Variants in RPA3 observed in about 807,000 individuals in gnomAD.
The protein encoded by RPA3 is replication protein A3.
Under a neutral mutation model 13.7 loss-of-function variants are expected in RPA3, and 24 were observed. The observed-to-expected ratio is 1.75, with a 90% CI of 1.27 to 2.46. The LOEUF is 2.46. RPA3 is among the 30% of genes most tolerant of loss of function. The pLI is 0.00. For synonymous variants in RPA3, 59 were observed against 51.2 expected, an observed-to-expected ratio of 1.15 and a Z score of -0.65; for missense variants, 183 against 151.0, an observed-to-expected ratio of 1.21 and a Z score of -1.11.
intron 4 of RPA3, among the ~76,000 whole-genome samples, chr7:7,664,176 T>C (rs922251353): frequency 2.0e-5 from 3 of 152,228 alleles, no homozygotes; most frequent in African/African-American, 7.2e-5. Flanking sequence ...AATTTACTAT[T>C]ATTTTCTTCT....
At chr7:7,706,544 A>G (rs1780604878) in intron 2 of RPA3, among the ~76,000 whole-genome samples, 1 of 152,220 alleles carries the variant, frequency 6.6e-6, no homozygotes, top group Non-Finnish European at 1.5e-5. Flanking sequence ...GTTAGATATC[A>G]TTTTTTAAAA....
intron 1 of RPA3, among the ~76,000 whole-genome samples, chr7:7,716,838 C>T (rs149591330): frequency 0.011 from 1,617 of 152,102 alleles, 30 homozygotes; most frequent in African/African-American, 0.035. Flanking sequence ...CCCAGCTACT[C>T]GGGAGCCTGA....
At chr7:7,703,168 G>A (rs998966628) in intron 2 of RPA3, among the ~76,000 whole-genome samples, 7 of 152,114 alleles carry the variant, frequency 4.6e-5, no homozygotes, top group Non-Finnish European at 1.0e-4. Flanking sequence ...AATAATTACT[G>A]GTGCCCACTA....
chr7:7,684,748 C>G (rs528638700), intron 4 of RPA3, among the ~76,000 whole-genome samples: 1 of 152,178 alleles, frequency 6.6e-6, no homozygotes, highest in Non-Finnish European at 1.5e-5. Flanking sequence ...AATTATTTGA[C>G]AGATTAACAC....
chr7:7,637,309 G>A (rs551876079), intron 7 of RPA3, among the ~76,000 whole-genome samples: 1 of 152,234 alleles, frequency 6.6e-6, no homozygotes, highest in South Asian at 2.1e-4. Context: ...CTGCCTGGTA[G>A]TGTTTTGGGT....
chr7:7,639,019 G>A (rs1784908734), intron 6 of RPA3, 51 bp downstream of exon 6: 1 of 1,352,822 alleles, frequency 7.4e-7, no homozygotes, highest in Non-Finnish European at 1.0e-6. Context: ...ACCAAATCAA[G>A]ATGAAGAATT....
intron 4 of RPA3, among the ~76,000 whole-genome samples, chr7:7,659,422 ACTTTCT>A (rs1311632620): frequency 6.6e-6 from 1 of 152,000 alleles, no homozygotes; most frequent in Non-Finnish European, 1.5e-5. Context: ...GATCTTTCCC[ACTTTCT>A]CTTGTTGGCA....
At chr7:7,705,497 G>A (rs1430024087) in intron 2 of RPA3, among the ~76,000 whole-genome samples, 3 of 152,134 alleles carry the variant, frequency 2.0e-5, no homozygotes, top group Non-Finnish European at 4.4e-5. Flanking sequence ...TATTCAGTGT[G>A]TTATTACAAA....
chr7:7,699,609 T>G (rs1049700158), intron 2 of RPA3, among the ~76,000 whole-genome samples: 2 of 152,210 alleles, frequency 1.3e-5, no homozygotes, highest in African/African-American at 4.8e-5. Flanking sequence ...GGAAATAGAT[T>G]TAGTTCTAAG....
rs1784942008 is a variant in RPA3 at position 7,640,488 on chromosome 7, TATGGGGCAG to T, written c.-79_-71del. 2.8e-6 allele frequency: 4 copies of T among 1,424,426 alleles called. No homozygotes were observed. The South Asian group carries it at 4.6e-5, about 16-fold the overall frequency. The allele number at this position is 1,424,426 out of a possible 1,614,324, so 88.2% of individuals were successfully genotyped here. A position where few individuals can be genotyped will look rare whatever the true frequency, so the allele number is the denominator to read the frequency against. ...TGAAACTGTGCGCCCCGCGGGTGTC[TATGGGGCAG>T]ATTTCTCGGCACCAATCAGCGAAGA... On this transcript the variant is annotated 5_prime_UTR_variant, in exon 5 of 8. Transcript: ENST00000223129.
intron 2 of RPA3, among the ~76,000 whole-genome samples, chr7:7,704,277 A>T (rs1780539639): frequency 6.6e-6 from 1 of 152,210 alleles, no homozygotes. Context: ...TCATAGAAAC[A>T]TTCATGTAAA....
intron 5 of RPA3, 66 bp downstream of exon 5, chr7:7,640,254 G>T: frequency 1.3e-6 from 2 of 1,520,484 alleles, no homozygotes; most frequent in Non-Finnish European, 1.8e-6. Context: ...TTCATCCCCC[G>T]TTATCCAGGC....
At chr7:7,712,013 C>A (rs1563145254) in intron 2 of RPA3, among the ~76,000 whole-genome samples, 1 of 152,012 alleles carries the variant, frequency 6.6e-6, no homozygotes, top group Non-Finnish European at 1.5e-5. Context: ...AATTCATCTT[C>A]TTTTCTTCAC....
intron 4 of RPA3, among the ~76,000 whole-genome samples, chr7:7,679,787 A>G (rs910899680): frequency 1.5e-4 from 22 of 149,870 alleles, no homozygotes; most frequent in Non-Finnish European, 3.0e-5. Context: ...CCACTTTCGA[A>G]CTCTTAGGCT....
intron 4 of RPA3, among the ~76,000 whole-genome samples, chr7:7,649,668 C>T (rs1785178833): frequency 6.7e-6 from 1 of 148,186 alleles, no homozygotes; most frequent in Admixed American, 6.8e-5. Context: ...GAATGTTATA[C>T]ATTCTGTATT....
chr7:7,642,064 T>C (rs17545656), intron 4 of RPA3, among the ~76,000 whole-genome samples: 46,794 of 152,180 alleles, frequency 0.31, 9,117 homozygotes, highest in East Asian at 0.79. Flanking sequence ...TTAAGTCTTT[T>C]GTACTTTAGC....
rs200238396 is a variant in RPA3, at chr7:7,699,048, GT to G, written c.-1027-11721del. Among the ~76,000 whole-genome samples the G allele has an allele frequency of 4.4e-3, 529 of 120,826 alleles. 6 individuals are homozygous for G. The highest frequency in any genetic ancestry group is 0.016 in the African/African-American group (496 of 31,878). The allele number at this position is 120,826 out of a possible 152,430, so 79.3% of individuals were successfully genotyped here. Reference sequence around the variant, plus strand: ...TTTTATATAGTTTGTGTGTGTGTGTGTGGGGGGGGGGTAGATACCAGGTTTG... The same window carrying G: ...TTTTATATAGTTTGTGTGTGTGTGTGGGGGGGGGGGTAGATACCAGGTTTG... On this transcript the variant is annotated intron_variant, in intron 2 of 7. Coordinates refer to ENST00000223129, the MANE Select transcript of RPA3 (RefSeq NM_002947.5).
At chr7:7,641,897 A>T (rs1256222031) in intron 4 of RPA3, among the ~76,000 whole-genome samples, 5 of 152,208 alleles carry the variant, frequency 3.3e-5, no homozygotes, top group African/African-American at 7.2e-5. Flanking sequence ...AGTCTCCCTT[A>T]GTGTTTCCTT....
chr7:7,684,520 T>G (rs1779991666), intron 4 of RPA3, among the ~76,000 whole-genome samples: 1 of 151,678 alleles, frequency 6.6e-6, no homozygotes, highest in African/African-American at 2.4e-5. Flanking sequence ...CCACAAGCAA[T>G]TTTTTTTTCT....
Sources: gnomAD v4.1 joint callset for allele counts (sites outside exome capture counted in the v4.1 genomes callset) on GRCh38, gnomAD v4.1.1 for gene constraint, MANE v1.5 for transcripts, NCBI Gene and HGNC (gene_info 2026-07-23, HGNC 2026-07-21) for gene names.